The following POFUT2 variants were observed in gnomAD, a reference collection of about 807,000 sequenced individuals.
POFUT2 encodes protein O-fucosyltransferase 2, also known as GDP-fucose protein O-fucosyltransferase 2.
POFUT2 carries 30 observed loss-of-function variants against 55.0 expected under a neutral mutation model. The ratio of observed to expected loss-of-function variants is 0.55; its 90% CI spans 0.41 to 0.74. POFUT2 has a LOEUF of 0.74. POFUT2 is among the 30% of genes least tolerant of loss of function. The pLI, the probability that POFUT2 is intolerant of heterozygous loss-of-function variation, is 0.00. For missense variants in POFUT2, 524 were observed against 562.6 expected, an observed-to-expected ratio of 0.93 and a Z score of 0.69; for synonymous variants, 267 against 231.1, an observed-to-expected ratio of 1.16 and a Z score of -1.41.
intron 7 of POFUT2, among the ~76,000 whole-genome samples, chr21:45,269,625 C>T (rs1250182580): frequency 2.6e-5 from 4 of 151,856 alleles, no homozygotes; most frequent in African/African-American, 4.9e-5. Flanking sequence ...TCCCTAATCT[C>T]AAGTAATCAG....
chr21:45,267,267 G>T lies in POFUT2; in HGVS notation c.1136+323C>A. On this transcript the variant is annotated intron_variant, in intron 8 of 8. Transcript: ENST00000349485. This position sits in a 1 kb window ranked among gnomAD's most constrained non-coding sequence, Gnocchi z 4.4. ...GTCCAGGGCACGGGCAACTCTCAGG[G>T]CAGGGGGCAGACAGGGGCAGAAACC... 2 of 1,440,124 alleles carry T rather than the reference G, an allele frequency of 1.4e-6. No individual in the cohort carries two copies. Among genetic ancestry groups the T allele is most frequent in the Non-Finnish European group, 1.8e-6 (2 of 1,103,232 alleles). The allele number at this position is 1,440,124 out of a possible 1,614,324, so 89.2% of individuals were successfully genotyped here.
At position 45,265,766 on chromosome 21, in the gene POFUT2, C is replaced by T; in HGVS notation, c.1137-131G>A. The stretch of plus-strand genomic sequence containing the variant: ...TTACATGGAACCAACACGGCCGTCC[C>T]CCGAGCACCCACCAGCCGGCCGCCC... On this transcript the variant is annotated intron_variant, in intron 8 of 8. Coordinates refer to ENST00000349485, the MANE Select transcript of POFUT2 (RefSeq NM_133635.6). The surrounding 1 kb of genome is among the most constrained non-coding windows in gnomAD (Gnocchi z 4.6). 1.4e-6 allele frequency: 2 copies of T among 1,445,504 alleles called. No individual in the cohort carries two copies. The highest frequency in any genetic ancestry group is 2.9e-5 in the African/African-American group (2 of 70,048). The allele number at this position is 1,445,504 out of a possible 1,614,324, so 89.5% of individuals were successfully genotyped here.
Position 45,277,170 on chromosome 21 carries a change from G to C in POFUT2, c.706-28C>G. The C allele has an allele frequency of 6.2e-7, 1 of 1,604,996 alleles. No homozygotes were observed. The highest frequency in any genetic ancestry group is 8.5e-7 in the Non-Finnish European group (1 of 1,177,708). ...GTGGAAACGGCGACGGCTCGGCTGAGAACACGCCCGCCCGCCACGCAGCCC... is the reference window on the plus strand; with the variant it reads ...GTGGAAACGGCGACGGCTCGGCTGACAACACGCCCGCCCGCCACGCAGCCC... On this transcript the variant is annotated intron_variant, in intron 5 of 8. Transcript: ENST00000349485. The surrounding 1 kb of genome is among the most constrained non-coding windows in gnomAD (Gnocchi z 6.9).
chr21:45,269,036 TG>T lies in POFUT2; in HGVS notation c.1012+802del, dbSNP rs1285625391. 5.7e-3 allele frequency among the ~76,000 whole-genome samples: 438 copies of T among 77,448 alleles called. 48 individuals carry two copies. Among genetic ancestry groups the T allele is most frequent in the South Asian group, 0.018 (26 of 1,476 alleles). The allele number at this position is 77,448 out of a possible 152,430, so 50.8% of individuals were successfully genotyped here. A position where few individuals can be genotyped will look rare whatever the true frequency, so the allele number is the denominator to read the frequency against. ...CCAGCCGCCCCGTCTGGGAGGGAGGTGGGGGGGTCAGCCCCCCGCCTGGCCA... is the reference window on the plus strand; with the variant it reads ...CCAGCCGCCCCGTCTGGGAGGGAGGTGGGGGGTCAGCCCCCCGCCTGGCCA... On this transcript the variant is annotated intron_variant, in intron 7 of 8. Transcript: ENST00000349485.
rs931414236 is a variant in POFUT2 at position 45,284,866 on chromosome 21, T to G, written c.382+812A>C. ...TTCTGACTTGGTATCAACAAGGATG[T>G]TGGAGGTTACCGCCTGTTGTTGCAT... On this transcript the variant is annotated intron_variant, in intron 2 of 8. Coordinates refer to ENST00000349485, the MANE Select transcript of POFUT2 (RefSeq NM_133635.6). This position sits in a 1 kb window ranked among gnomAD's most constrained non-coding sequence, Gnocchi z 5.8. Among the ~76,000 whole-genome samples, 41 of 152,210 alleles carry G rather than the reference T, an allele frequency of 2.7e-4. No homozygotes were observed. Among genetic ancestry groups the G allele is most frequent in the African/African-American group, 8.4e-4 (35 of 41,458 alleles).
Position 45,265,358 on chromosome 21 carries a change from G to T in POFUT2, c.*124C>A. On this transcript the variant is annotated 3_prime_UTR_variant, in exon 9 of 9. Coordinates refer to ENST00000349485, the MANE Select transcript of POFUT2 (RefSeq NM_133635.6). This position sits in a 1 kb window ranked among gnomAD's most constrained non-coding sequence, Gnocchi z 4.6. ...GGCGTGGGGCCTCTTCTGGGCCTGG[G>T]ACCCTGCGAGGGACGGTCCTGTCCG... 1 of 847,448 alleles carries T rather than the reference G, an allele frequency of 1.2e-6. No homozygotes were observed. Among genetic ancestry groups the T allele is most frequent in the Non-Finnish European group, 1.8e-6 (1 of 550,130 alleles). 52.5% of individuals were successfully genotyped at this position (847,448 alleles called of 1,614,324 possible). A position where few individuals can be genotyped will look rare whatever the true frequency, so the allele number is the denominator to read the frequency against.
chr21:45,279,670 C>A (rs912388036), intron 4 of POFUT2, among the ~76,000 whole-genome samples: 11 of 152,284 alleles, frequency 7.2e-5, no homozygotes, highest in African/African-American at 2.6e-4. Flanking sequence ...AAGGGCACAC[C>A]CAGCCATCCT....
At chr21:45,273,614 A>G (rs545829619) in intron 6 of POFUT2, among the ~76,000 whole-genome samples, 11 of 152,328 alleles carry the variant, frequency 7.2e-5, no homozygotes, top group African/African-American at 2.2e-4. Context: ...AGATAACACA[A>G]CATGATCAAA....
chr21:45,270,894 G>T lies in POFUT2; in HGVS notation c.832-875C>A, dbSNP rs1220200666. Among the ~76,000 whole-genome samples the T allele has an allele frequency of 6.6e-6, 1 of 152,206 alleles. No individual in the cohort carries two copies. The highest frequency in any genetic ancestry group is 2.4e-5 in the African/African-American group (1 of 41,448). ...CCCGTGGGATAAAAGAATCTGAACA[G>T]TAGCCCGTGAGTTCCAGATCTTTCC... On this transcript the variant is annotated intron_variant, in intron 6 of 8. Transcript: ENST00000349485. The surrounding 1 kb of genome is among the most constrained non-coding windows in gnomAD (Gnocchi z 4.6).
chr21:45,278,623 T>TA (rs2078448691), intron 4 of POFUT2, among the ~76,000 whole-genome samples: 1 of 152,214 alleles, frequency 6.6e-6, no homozygotes, highest in Non-Finnish European at 1.5e-5. Context: ...TGTTCCGTGG[T>TA]AGAGACGCCA....
In POFUT2 at chr21:45,285,986, C is replaced by T; in HGVS notation, c.132-58G>A. The T allele has an allele frequency of 1.3e-6, 2 of 1,504,638 alleles. No individual in the cohort carries two copies. The highest frequency in any genetic ancestry group is 1.8e-6 in the Non-Finnish European group (2 of 1,114,790). 93.2% of individuals were successfully genotyped at this position (1,504,638 alleles called of 1,614,324 possible). A position where few individuals can be genotyped will look rare whatever the true frequency, so the allele number is the denominator to read the frequency against. On this transcript the variant is annotated intron_variant, in intron 1 of 8. Transcript: ENST00000349485. The surrounding 1 kb of genome is among the most constrained non-coding windows in gnomAD (Gnocchi z 4.9). Reference sequence around the variant, plus strand: ...AATGCTGAGGTTTCTGCACGGAAAACCCGACTGCTCACAAGTCTCAGCGCG... The same window carrying T: ...AATGCTGAGGTTTCTGCACGGAAAATCCGACTGCTCACAAGTCTCAGCGCG...
intron 4 of POFUT2, among the ~76,000 whole-genome samples, chr21:45,279,180 A>T (rs7509664): frequency 1.4e-5 from 2 of 147,486 alleles, no homozygotes; most frequent in Non-Finnish European, 3.0e-5. Context: ...TCACGAGGTC[A>T]GGAGATCGAG....
At chr21:45,273,312 A>G (rs906576753) in intron 6 of POFUT2, among the ~76,000 whole-genome samples, 4 of 152,180 alleles carry the variant, frequency 2.6e-5, no homozygotes, top group African/African-American at 9.7e-5. Flanking sequence ...GAAATACACA[A>G]CCCTTCTAGA....
intron 1 of POFUT2, among the ~76,000 whole-genome samples, chr21:45,286,934 C>T (rs2031478786): frequency 1.3e-5 from 2 of 152,192 alleles, no homozygotes; most frequent in Non-Finnish European, 2.9e-5. Flanking sequence ...CACTGCGGAG[C>T]GCCCGCCCGG....
Position 45,267,658 on chromosome 21 carries a change from C to G in POFUT2, c.1068G>C (p.Trp356Cys). 6.2e-7 allele frequency: 1 copy of G among 1,614,214 alleles called. No individual in the cohort carries two copies. The highest frequency in any genetic ancestry group is 8.5e-7 in the Non-Finnish European group (1 of 1,180,042). ...LPEMVRFEPT[W>C]EELELYKDGG... ...CGTCCTTGTAGAGCTCCAGCTCCTCCCACGTGGGTTCAAACCTCACCATCT... is the reference window on the plus strand; with the variant it reads ...CGTCCTTGTAGAGCTCCAGCTCCTCGCACGTGGGTTCAAACCTCACCATCT... Residue 356 changes from tryptophan (W) to cysteine (C), a missense_variant, in exon 8 of 9, where the codon TGG becomes TGC. Physicochemically the swap from Trp to Cys is radical, Grantham distance 215. Around this residue, in one of 2 missense-constraint regions of POFUT2, gnomAD observed 250 missense variants for 318.2 expected, o/e 0.79. Coordinates refer to ENST00000349485, the MANE Select transcript of POFUT2 (RefSeq NM_133635.6). This position sits in a 1 kb window ranked among gnomAD's most constrained non-coding sequence, Gnocchi z 4.4.
Position 45,282,250 on chromosome 21 carries a change from C to G in POFUT2, c.638+99G>C, listed in dbSNP as rs2030763158. The G allele has an allele frequency of 2.5e-6, 2 of 797,980 alleles. No homozygotes were observed. The highest frequency in any genetic ancestry group is 5.0e-5 in the East Asian group (2 of 40,316). 49.4% of individuals were successfully genotyped at this position (797,980 alleles called of 1,614,324 possible). On this transcript the variant is annotated intron_variant, in intron 4 of 8. Coordinates refer to ENST00000349485, the MANE Select transcript of POFUT2 (RefSeq NM_133635.6). The surrounding 1 kb of genome is among the most constrained non-coding windows in gnomAD (Gnocchi z 4.6). ...GTCCGCTGTCTGTGAGGTGGGTGGG[C>G]CAGGGATGCGGGAGTATGGGCGGAG...
rs949131403 is a variant in POFUT2 at position 45,277,904 on chromosome 21, G to A, written c.705+199C>T. The A allele has an allele frequency of 4.8e-6, 3 of 620,940 alleles. No individual in the cohort carries two copies. Among genetic ancestry groups the A allele is most frequent in the South Asian group, 1.9e-5 (1 of 53,312 alleles). The allele number at this position is 620,940 out of a possible 1,614,324, so 38.5% of individuals were successfully genotyped here. ...AGAGGGGAGAGCTGGGTGGCCCTGC[G>A]GGCTCCCGAGGACCTGGCTCTGCAG... On this transcript the variant is annotated intron_variant, in intron 5 of 8. Coordinates refer to ENST00000349485, the MANE Select transcript of POFUT2 (RefSeq NM_133635.6). The surrounding 1 kb of genome is among the most constrained non-coding windows in gnomAD (Gnocchi z 6.9).
chr21:45,266,704 C>T (rs2838861), intron 8 of POFUT2: 356,770 of 1,003,324 alleles, frequency 0.36, 63,684 homozygotes, highest in South Asian at 0.49. Context: ...GTGGGTCTTA[C>T]ACACCATGCC....
chr21:45,271,560 A>T (rs1201992076), intron 6 of POFUT2, among the ~76,000 whole-genome samples: 1 of 152,232 alleles, frequency 6.6e-6, no homozygotes, highest in African/African-American at 2.4e-5. Flanking sequence ...TACCTGGGCA[A>T]TTCATCACAA....
Sources: gnomAD v4.1 joint callset for allele counts (sites outside exome capture counted in the v4.1 genomes callset) on GRCh38, gnomAD v4.1.1 for gene constraint, gnomAD v4.1.1 regional missense constraint, Gnocchi (gnomAD v3.1) non-coding constraint, MANE v1.5 for transcripts, NCBI Gene and HGNC (gene_info 2026-07-23, HGNC 2026-07-21) for gene names.